CDKAL1: variants seen among roughly 807,000 people sequenced by gnomAD.
CDKAL1 encodes CDKAL1 threonylcarbamoyladenosine tRNA methylthiotransferase, also known as threonylcarbamoyladenosine tRNA methylthiotransferase.
Under a neutral mutation model 68.2 loss-of-function variants are expected in CDKAL1, and 32 were observed. That is an observed-to-expected ratio of 0.47 (90% CI 0.35 to 0.63). The LOEUF (loss-of-function observed/expected upper bound fraction) is 0.63, where lower values mean the gene tolerates loss of function less well. Among genes scored for constraint, CDKAL1 ranks in the 30% least tolerant of loss-of-function variants. The probability of loss-of-function intolerance (pLI) is 0.00; values close to 1 mark genes in which losing one functional copy is unlikely to be tolerated. For missense variants in CDKAL1, 606 were observed against 696.7 expected, an observed-to-expected ratio of 0.87 and a Z score of 1.47; for synonymous variants, 234 against 244.3, an observed-to-expected ratio of 0.96 and a Z score of 0.39.
At chr6:20,783,952 T>A (rs4710949) in intron 8 of CDKAL1, among the ~76,000 whole-genome samples, 3 of 152,084 alleles carry the variant, frequency 2.0e-5, no homozygotes, top group Non-Finnish European at 2.9e-5. Context: ...TGGTGGCTCA[T>A]GCCTGTAATC....
intron 13 of CDKAL1, among the ~76,000 whole-genome samples, chr6:21,194,978 G>A (rs1778404524): frequency 6.6e-6 from 1 of 152,154 alleles, no homozygotes; most frequent in Admixed American, 6.5e-5. Flanking sequence ...TTCTCACTCT[G>A]TTGCCCAGAC....
intron 11 of CDKAL1, among the ~76,000 whole-genome samples, chr6:21,001,663 A>T (rs542044429): frequency 1.3e-5 from 2 of 152,338 alleles, no homozygotes; most frequent in South Asian, 2.1e-4. Context: ...TAGGCTAAAG[A>T]ATATAGATTT....
intron 7 of CDKAL1, among the ~76,000 whole-genome samples, chr6:20,772,325 AC>A (rs1399707736): frequency 6.6e-6 from 1 of 152,180 alleles, no homozygotes; most frequent in African/African-American, 2.4e-5. Flanking sequence ...GAAGAGTTCT[AC>A]TAAGGGTCAA....
At chr6:20,873,352 T>C (rs1397849504) in intron 9 of CDKAL1, among the ~76,000 whole-genome samples, 1 of 152,170 alleles carries the variant, frequency 6.6e-6, no homozygotes, top group Non-Finnish European at 1.5e-5. Context: ...GACCTGGAAG[T>C]ATGCATTTAT....
intron 9 of CDKAL1, among the ~76,000 whole-genome samples, chr6:20,930,746 A>AT (rs34094116): frequency 0.23 from 32,328 of 142,226 alleles, 3,671 homozygotes; most frequent in Admixed American, 0.29. Flanking sequence ...TATTATGTGT[A>AT]TTTTTTTTTT....
intron 5 of CDKAL1, among the ~76,000 whole-genome samples, chr6:20,692,454 A>G (rs1027150831): frequency 3.3e-5 from 5 of 152,170 alleles, no homozygotes; most frequent in Non-Finnish European, 2.9e-5. Context: ...TCATTTTTAT[A>G]TGCTTTGACA....
At chr6:20,559,962 C>A (rs1561925555) in intron 4 of CDKAL1, among the ~76,000 whole-genome samples, 2 of 152,072 alleles carry the variant, frequency 1.3e-5, no homozygotes, top group African/African-American at 4.8e-5. Context: ...ATTTAAAAAT[C>A]TGTTGTTAGT....
intron 5 of CDKAL1, among the ~76,000 whole-genome samples, chr6:20,677,879 C>T (rs1770190289): frequency 6.6e-6 from 1 of 152,080 alleles, no homozygotes; most frequent in Non-Finnish European, 1.5e-5. Context: ...TTTTATTTCT[C>T]CTTTCACCCA....
At chr6:20,977,582 A>G (rs1229480301) in intron 10 of CDKAL1, among the ~76,000 whole-genome samples, 1 of 152,190 alleles carries the variant, frequency 6.6e-6, no homozygotes, top group Non-Finnish European at 1.5e-5. Flanking sequence ...TTAAAAAATA[A>G]TTTATATAGG....
chr6:20,872,018 C>G (rs1427477411), intron 9 of CDKAL1, among the ~76,000 whole-genome samples: 1 of 152,006 alleles, frequency 6.6e-6, no homozygotes, highest in Non-Finnish European at 1.5e-5. Context: ...TTATTTTGCC[C>G]CAACATAGAG....
intron 13 of CDKAL1, among the ~76,000 whole-genome samples, chr6:21,195,560 G>C (rs553333227): frequency 6.6e-6 from 1 of 150,940 alleles, no homozygotes; most frequent in Non-Finnish European, 1.5e-5. Flanking sequence ...ACCAATGCTG[G>C]AATGCAGTAG....
At chr6:20,643,859 G>T (rs1269476239) in intron 4 of CDKAL1, among the ~76,000 whole-genome samples, 1 of 151,814 alleles carries the variant, frequency 6.6e-6, no homozygotes, top group Non-Finnish European at 1.5e-5. Context: ...GAATCTTGCT[G>T]TGTAGCCCAG....
chr6:20,628,184 GA>G (rs1260503881), intron 4 of CDKAL1, among the ~76,000 whole-genome samples: 1 of 152,102 alleles, frequency 6.6e-6, no homozygotes, highest in African/African-American at 2.4e-5. Context: ...ATCTTAGGGA[GA>G]AAGAATTTGT....
At chr6:21,217,294 C>CTTTTTT (rs57097019) in intron 15 of CDKAL1, among the ~76,000 whole-genome samples, 14 of 142,812 alleles carry the variant, frequency 9.8e-5, no homozygotes, top group East Asian at 4.1e-4. Context: ...ATTTCTTTTT[C>CTTTTTT]TTTTTTTTTT....
chr6:21,140,381 G>T (rs1018685326), intron 13 of CDKAL1, among the ~76,000 whole-genome samples: 3 of 152,216 alleles, frequency 2.0e-5, no homozygotes, highest in Admixed American at 6.5e-5. Flanking sequence ...CACTAGAGGA[G>T]CCAGACATGG....
chr6:20,739,760 A>C (rs533445392), intron 6 of CDKAL1, 145 bp downstream of exon 6: 1 of 505,212 alleles, frequency 2.0e-6, no homozygotes, highest in Admixed American at 3.8e-5. Context: ...ATTGTCCCTG[A>C]AACTGTCATT....
At chr6:20,925,773 A>G (rs1295289734) in intron 9 of CDKAL1, among the ~76,000 whole-genome samples, 6 of 152,148 alleles carry the variant, frequency 3.9e-5, no homozygotes, top group Admixed American at 6.5e-5. Context: ...ACCTCTATCA[A>G]TAGTCAAAAT....
At chr6:21,073,631 G>T (rs1771912914) in intron 12 of CDKAL1, among the ~76,000 whole-genome samples, 1 of 152,022 alleles carries the variant, frequency 6.6e-6, no homozygotes, top group Admixed American at 6.6e-5. Flanking sequence ...ATACTTATTT[G>T]CCATATGTAT....
At chr6:20,706,841 A>C (rs753376025) in intron 5 of CDKAL1, among the ~76,000 whole-genome samples, 4 of 151,498 alleles carry the variant, frequency 2.6e-5, no homozygotes, top group Non-Finnish European at 5.9e-5. Context: ...AAAGATGAAA[A>C]GTTTGAGCCA....
Sources: gnomAD v4.1 joint callset for allele counts (sites outside exome capture counted in the v4.1 genomes callset) on GRCh38, gnomAD v4.1.1 for gene constraint, MANE v1.5 for transcripts, NCBI Gene and HGNC (gene_info 2026-07-23, HGNC 2026-07-21) for gene names.